Variants in SCN11A observed in about 807,000 individuals in gnomAD.
SCN11A encodes sodium voltage-gated channel alpha subunit 11.
In SCN11A, 122 loss-of-function variants were observed where a neutral mutation model predicts 162.2. The ratio of observed to expected loss-of-function variants is 0.75; its 90% CI spans 0.65 to 0.87. SCN11A has a LOEUF of 0.87. Among genes scored for constraint, SCN11A ranks in the 40% least tolerant of loss-of-function variants. The pLI is 0.00. For missense variants in SCN11A, 2,015 were observed against 2,181.6 expected (o/e 0.92, Z 1.52); for synonymous variants, 758 against 751.5 (o/e 1.01, Z -0.14).
chr3:38,851,058 T>C (rs1394485261), intron 28 of SCN11A, among the ~76,000 whole-genome samples: 1 of 152,242 alleles, frequency 6.6e-6, no homozygotes, highest in Non-Finnish European at 1.5e-5. Flanking sequence ...GATGATGTGC[T>C]TTGCTGAAAT....
chr3:38,962,842 C>T (rs114440453), intron 2 of SCN11A, among the ~76,000 whole-genome samples: 8,206 of 151,314 alleles, frequency 0.054, 735 homozygotes, highest in African/African-American at 0.18. Flanking sequence ...AGTGAAACTC[C>T]GTCTAAAAAT....
rs2029990245 is a variant in SCN11A, at chr3:38,980,473, G to A, written c.-279-20050C>T. On this transcript the variant is annotated intron_variant, in intron 2 of 29. Coordinates refer to ENST00000302328, the MANE Select transcript of SCN11A (RefSeq NM_001349253.2). ...GTGATTCAGTGATGTCGGTCATGGA[G>A]CCACAGCTGCAATACGCTCTTACTG... Among the ~76,000 whole-genome samples, 6 of 152,114 alleles carry A rather than the reference G, an allele frequency of 3.9e-5. 1 individual carries two copies. In the South Asian group the frequency reaches 1.3e-3, roughly 32 times the overall value.
chr3:38,991,171 T>C (rs145454444), intron 2 of SCN11A, among the ~76,000 whole-genome samples: 1 of 152,324 alleles, frequency 6.6e-6, no homozygotes, highest in East Asian at 1.9e-4. Flanking sequence ...CTTGAATCAC[T>C]TTTACAACTA....
At chr3:38,995,990 G>C (rs2030619828) in intron 2 of SCN11A, among the ~76,000 whole-genome samples, 1 of 152,146 alleles carries the variant, frequency 6.6e-6, no homozygotes, top group Non-Finnish European at 1.5e-5. Context: ...CCTTGCAAAA[G>C]ATGAAGAGAC....
At chr3:39,002,787 C>A (rs1311387369) in intron 2 of SCN11A, among the ~76,000 whole-genome samples, 1 of 152,192 alleles carries the variant, frequency 6.6e-6, no homozygotes, top group Non-Finnish European at 1.5e-5. Flanking sequence ...CTTTCTTGAA[C>A]CTCTGCCTCT....
intron 2 of SCN11A, among the ~76,000 whole-genome samples, chr3:39,029,487 T>A (rs561940490): frequency 1.3e-5 from 2 of 152,358 alleles, no homozygotes; most frequent in South Asian, 4.1e-4. Flanking sequence ...TGGCTCACTG[T>A]CATGTGTGTT....
At chr3:38,898,025 AG>A (rs2065634960) in intron 17 of SCN11A, among the ~76,000 whole-genome samples, 1 of 152,038 alleles carries the variant, frequency 6.6e-6, no homozygotes, top group Admixed American at 6.6e-5. Context: ...GCTTGAGCAC[AG>A]GAGAGTTCAA....
intron 7 of SCN11A, among the ~76,000 whole-genome samples, 169 bp downstream of exon 7, chr3:38,945,242 C>T (rs1661819878): frequency 6.6e-6 from 1 of 152,132 alleles, no homozygotes; most frequent in African/African-American, 2.4e-5. Context: ...CATATGTGTG[C>T]TGTTCATTAC....
rs758993292 is a variant in SCN11A at position 38,946,848 on chromosome 3, C to A, written c.327G>T (p.Leu109Phe). Residue 109 changes from leucine to phenylalanine, a missense_variant, in exon 6 of 30, where the codon TTG (leucine) becomes TTT (phenylalanine). Leu to Phe is a conservative substitution (Grantham distance 22). Transcript: ENST00000302328. Reference sequence around the variant, plus strand: ...TTGAATTGAAAGGCCCAAAAATGAACAAGGCATGCTTGGCACTGAAGCGGT... The same window carrying A: ...TTGAATTGAAAGGCCCAAAAATGAAAAAGGCATGCTTGGCACTGAAGCGGT... ...TIYRFSAKHA[L>F]FIFGPFNSIR... 5 of 1,614,028 alleles carry A rather than the reference C, an allele frequency of 3.1e-6. No individual in the cohort carries two copies. Among genetic ancestry groups the A allele is most frequent in the Admixed American group, 1.7e-5 (1 of 59,978 alleles).
Position 38,846,813 on chromosome 3 carries a change from T to C in SCN11A, c.5257A>G (p.Lys1753Glu). Residue 1753 changes from lysine to glutamate, a missense_variant, in exon 30 of 30, where the codon AAG (lysine) becomes GAG (glutamate). Coordinates refer to ENST00000302328, the MANE Select transcript of SCN11A (RefSeq NM_001349253.2). Reference sequence around the variant, plus strand: ...TCATTTTGGTCACCTTGGTCACCCTTGGTCACCTTCATCATGTACTTTCGA... The same window carrying C: ...TCATTTTGGTCACCTTGGTCACCCTCGGTCACCTTCATCATGTACTTTCGA... ...AFRKYMMKVT[K>E]GDQGDQNDLE... The C allele has an allele frequency of 1.2e-6, 2 of 1,614,080 alleles. No individual in the cohort carries two copies. The highest frequency in any genetic ancestry group is 1.7e-6 in the Non-Finnish European group (2 of 1,179,976).
chr3:38,931,308 C>T (rs926697634), intron 7 of SCN11A, among the ~76,000 whole-genome samples: 3 of 152,188 alleles, frequency 2.0e-5, no homozygotes, highest in African/African-American at 7.2e-5. Context: ...TACAAAGACA[C>T]CACCTAGAAG....
At chr3:39,014,701 C>A (rs997178797) in intron 2 of SCN11A, among the ~76,000 whole-genome samples, 5 of 152,046 alleles carry the variant, frequency 3.3e-5, no homozygotes, top group Non-Finnish European at 7.4e-5. Flanking sequence ...TGTGGGATAC[C>A]TTGGGGGTGA....
At chr3:38,896,049 G>A (rs1415124822) in intron 18 of SCN11A, among the ~76,000 whole-genome samples, 4 of 152,110 alleles carry the variant, frequency 2.6e-5, no homozygotes, top group African/African-American at 9.7e-5. Flanking sequence ...GCAAGTAACA[G>A]ACTCAAGCCA....
chr3:39,014,049 C>T (rs77409151), intron 2 of SCN11A, among the ~76,000 whole-genome samples: 2,807 of 152,328 alleles, frequency 0.018, 34 homozygotes, highest in Middle Eastern at 0.048. Context: ...CCTTTGCCTT[C>T]GAGCAGAACC....
At chr3:39,021,501 G>C (rs912780239) in intron 2 of SCN11A, among the ~76,000 whole-genome samples, 1 of 152,142 alleles carries the variant, frequency 6.6e-6, no homozygotes, top group Non-Finnish European at 1.5e-5. Context: ...GGGATGAAAA[G>C]GTGGCCTGAT....
chr3:38,884,193 G>A (rs907240001), intron 21 of SCN11A, among the ~76,000 whole-genome samples: 1 of 152,102 alleles, frequency 6.6e-6, no homozygotes, highest in African/African-American at 2.4e-5. Context: ...AACATCAGTA[G>A]GTTCATCTTC....
intron 2 of SCN11A, among the ~76,000 whole-genome samples, chr3:39,014,619 T>C (rs1213263920): frequency 2.0e-5 from 3 of 152,210 alleles, no homozygotes; most frequent in African/African-American, 7.2e-5. Flanking sequence ...GTGGGACACA[T>C]AGTAAGACCA....
At chr3:39,011,121 G>C (rs974683657) in intron 2 of SCN11A, among the ~76,000 whole-genome samples, 5 of 152,180 alleles carry the variant, frequency 3.3e-5, no homozygotes, top group Admixed American at 2.0e-4. Flanking sequence ...GCCAAGCAAG[G>C]AGACTCAGGC....
intron 28 of SCN11A, among the ~76,000 whole-genome samples, chr3:38,859,868 A>G (rs1460833505): frequency 3.3e-5 from 5 of 152,188 alleles, no homozygotes; most frequent in Non-Finnish European, 5.9e-5. Context: ...AATTAGCTAC[A>G]AGATTAGAAA....
Sources: allele counts gnomAD v4.1 joint callset (sites outside exome capture counted in the v4.1 genomes callset), GRCh38; gene constraint gnomAD v4.1.1; transcripts MANE v1.5; gene names NCBI Gene and HGNC (gene_info 2026-07-23, HGNC 2026-07-21).